The following EYA2 variants were observed in gnomAD, a reference collection of about 807,000 sequenced individuals.
EYA2 encodes the protein EYA transcriptional coactivator and phosphatase 2.
EYA2 carries 31 observed loss-of-function variants against 69.2 expected under a neutral mutation model. The observed-to-expected ratio is 0.45, with a 90% CI of 0.34 to 0.60. The LOEUF is 0.60. Ranked by LOEUF, EYA2 falls within the 20% of genes least tolerant of loss-of-function variation. EYA2 has a pLI of 0.02. For synonymous variants in EYA2, 257 were observed against 279.4 expected, an observed-to-expected ratio of 0.92 and a Z score of 0.80; for missense variants, 622 against 701.2, an observed-to-expected ratio of 0.89 and a Z score of 1.28.
chr20:47,130,463 C>T (rs1310106749), intron 9 of EYA2, among the ~76,000 whole-genome samples: 1 of 151,722 alleles, frequency 6.6e-6, no homozygotes, highest in Non-Finnish European at 1.5e-5. Context: ...GGCAGGGTTT[C>T]ACCATGTCAG....
intron 9 of EYA2, among the ~76,000 whole-genome samples, chr20:47,118,662 G>T (rs921679491): frequency 2.0e-5 from 3 of 152,092 alleles, no homozygotes; most frequent in Admixed American, 1.3e-4. Context: ...GATGGTTTGG[G>T]GTTGTCAGAA....
rs144083405 is a variant in EYA2 at position 47,139,993 on chromosome 20, A to G, written c.889-3066A>G. On this transcript the variant is annotated intron_variant, in intron 9 of 15. Coordinates refer to ENST00000327619, the MANE Select transcript of EYA2 (RefSeq NM_005244.5). The stretch of plus-strand genomic sequence containing the variant: ...CAGAGAAGTCATTTGGTATGCAATA[A>G]TTACTTTTCCTTCTCTGTGTGCTGG... 4.0e-3 allele frequency among the ~76,000 whole-genome samples: 603 copies of G among 152,310 alleles called. 2 individuals carry two copies. The highest frequency in any genetic ancestry group is 6.1e-3 in the Non-Finnish European group (418 of 68,024).
At chr20:47,060,500 A>G (rs1425757722) in intron 5 of EYA2, among the ~76,000 whole-genome samples, 5 of 152,228 alleles carry the variant, frequency 3.3e-5, no homozygotes, top group African/African-American at 1.2e-4. Context: ...AGGATCCAGC[A>G]TCACATCCTG....
chr20:47,186,272 TTCC>T (rs2034638327), intron 15 of EYA2, among the ~76,000 whole-genome samples: 1 of 152,060 alleles, frequency 6.6e-6, no homozygotes, highest in African/African-American at 2.4e-5. Context: ...TTTATAGATC[TTCC>T]TTTGCTCACT....
chr20:46,983,611 C>T (rs1150448), intron 1 of EYA2, among the ~76,000 whole-genome samples: 59 of 152,230 alleles, frequency 3.9e-4, no homozygotes, highest in African/African-American at 1.0e-3. Context: ...TGCCTCTCAC[C>T]GCACCCAGCT....
In EYA2 at chr20:47,089,255, C is replaced by A; in HGVS notation, c.678C>A (p.His226Gln). The A allele has an allele frequency of 6.2e-7, 1 of 1,614,148 alleles. No individual in the cohort carries two copies. Among genetic ancestry groups the A allele is most frequent in the South Asian group, 1.1e-5 (1 of 91,080 alleles). Residue 226 changes from histidine (H) to glutamine (Q), a missense_variant, in exon 8 of 16, where the codon CAC becomes CAA. His to Gln is a conservative substitution (Grantham distance 24). Transcript: ENST00000327619. ...SESLAGEYNTHNGPSTPAKEG... is the reference protein window; with the variant it reads ...SESLAGEYNTQNGPSTPAKEG... ...TTACGCCAGGTGAATACAACACACA[C>A]AATGGACCTTCCACACCAGCGAAAG...
In EYA2 at chr20:47,097,081, A is replaced by G. The variant is rs781459874; in HGVS notation, c.805-4A>G. ...CTCCATTCTCTTCCTCTCTTTCATC[A>G]CAGCGTGTGTTCGTGTGGGACTTGG... On this transcript the variant is annotated splice_region_variant and splice_polypyrimidine_tract_variant and intron_variant, in intron 8 of 15. Transcript: ENST00000327619. The G allele has an allele frequency of 1.1e-5, 18 of 1,607,928 alleles. No homozygotes were observed. The highest frequency in any genetic ancestry group is 1.7e-4 in the Middle Eastern group (1 of 6,056).
At chr20:47,050,792 T>C (rs16992254) in intron 5 of EYA2, among the ~76,000 whole-genome samples, 7,005 of 152,252 alleles carry the variant, frequency 0.046, 541 homozygotes, top group African/African-American at 0.16. Context: ...TTCCTAAGGG[T>C]ATACACTTGA....
intron 4 of EYA2, among the ~76,000 whole-genome samples, chr20:47,005,990 C>T (rs1982689051): frequency 6.6e-6 from 1 of 152,222 alleles, no homozygotes; most frequent in Non-Finnish European, 1.5e-5. Flanking sequence ...AAACCTAGGG[C>T]ACTGGCTTCA....
intron 3 of EYA2, among the ~76,000 whole-genome samples, chr20:47,004,558 CAG>C (rs1982578330): frequency 6.6e-6 from 1 of 152,204 alleles, no homozygotes; most frequent in Admixed American, 6.5e-5. Context: ...CAAGCTGACT[CAG>C]GGATCCAGGG....
chr20:46,930,696 A>T (rs1485987855), intron 1 of EYA2, among the ~76,000 whole-genome samples: 1 of 152,228 alleles, frequency 6.6e-6, no homozygotes, highest in African/African-American at 2.4e-5. Flanking sequence ...GCACATTAAA[A>T]GAGAAATAAT....
At chr20:47,067,453 A>T (rs1362336228) in intron 5 of EYA2, among the ~76,000 whole-genome samples, 2 of 152,166 alleles carry the variant, frequency 1.3e-5, no homozygotes, top group Non-Finnish European at 2.9e-5. Context: ...GTATAATTGG[A>T]TTGTTTATAA....
intron 5 of EYA2, among the ~76,000 whole-genome samples, chr20:47,055,257 ATC>A (rs2030548798): frequency 6.6e-6 from 1 of 151,938 alleles, no homozygotes; most frequent in South Asian, 2.1e-4. Context: ...ATCAGTGAAA[ATC>A]TCTCTCTGAC....
intron 1 of EYA2, among the ~76,000 whole-genome samples, chr20:46,939,738 C>CT (rs1986075708): frequency 6.6e-6 from 1 of 152,156 alleles, no homozygotes; most frequent in Admixed American, 6.5e-5. Context: ...TTGTAAGAGT[C>CT]TAACAGATGA....
intron 1 of EYA2, among the ~76,000 whole-genome samples, chr20:46,977,967 A>G (rs79200331): frequency 0.013 from 1,982 of 152,278 alleles, 22 homozygotes; most frequent in Middle Eastern, 0.068. Context: ...TTCCTACTCT[A>G]ATTTTTCACA....
At chr20:46,918,932 C>T (rs919467296) in intron 1 of EYA2, among the ~76,000 whole-genome samples, 4 of 152,178 alleles carry the variant, frequency 2.6e-5, no homozygotes, top group Admixed American at 1.3e-4. Flanking sequence ...TGTTAGTGGG[C>T]GTGAAGACAA....
At chr20:46,961,370 TAAC>T (rs1979468268) in intron 1 of EYA2, among the ~76,000 whole-genome samples, 1 of 151,976 alleles carries the variant, frequency 6.6e-6, no homozygotes, top group African/African-American at 2.4e-5. Context: ...AGAAATAAAA[TAAC>T]AAATGCTGGC....
At chr20:46,954,572 T>C (rs1343437953) in intron 1 of EYA2, among the ~76,000 whole-genome samples, 2 of 152,232 alleles carry the variant, frequency 1.3e-5, no homozygotes, top group Non-Finnish European at 1.5e-5. Context: ...ACAGTTTTTA[T>C]GCCACCTCTC....
chr20:47,002,899 G>T (rs1394533379), intron 3 of EYA2, among the ~76,000 whole-genome samples: 1 of 152,192 alleles, frequency 6.6e-6, no homozygotes, highest in Admixed American at 6.5e-5. Flanking sequence ...CTTTATCGTG[G>T]CAGTAGTCTA....
Sources: allele counts gnomAD v4.1 joint callset (sites outside exome capture counted in the v4.1 genomes callset), GRCh38; gene constraint gnomAD v4.1.1; transcripts MANE v1.5; gene names NCBI Gene and HGNC (gene_info 2026-07-23, HGNC 2026-07-21).